The following STX8 variants were observed in gnomAD, a reference collection of about 807,000 sequenced individuals.
STX8 encodes syntaxin 8, also known as syntaxin-8.
Under a neutral mutation model 37.5 loss-of-function variants are expected in STX8, and 23 were observed. The ratio of observed to expected loss-of-function variants is 0.61; its 90% confidence interval spans 0.44 to 0.87. STX8 has a LOEUF of 0.87. Ranked by LOEUF, STX8 falls within the 40% of genes least tolerant of loss-of-function variation. The pLI is 0.00. For synonymous variants in STX8, 115 were observed against 99.1 expected (o/e 1.16, Z -0.95); for missense variants, 313 against 284.7 (o/e 1.10, Z -0.71).
intron 7 of STX8, among the ~76,000 whole-genome samples, chr17:9,263,322 A>G (rs1198416313): frequency 6.6e-6 from 1 of 152,136 alleles, no homozygotes; most frequent in Non-Finnish European, 1.5e-5. Flanking sequence ...TACTAAAAAT[A>G]CAAAAAAATT....
chr17:9,354,385 G>A (rs1321278293), intron 7 of STX8, among the ~76,000 whole-genome samples: 4 of 142,324 alleles, frequency 2.8e-5, no homozygotes, highest in Non-Finnish European at 6.1e-5. Context: ...GCGGTGGTGA[G>A]ATCTCGGCTC....
intron 1 of STX8, among the ~76,000 whole-genome samples, chr17:9,575,383 G>A (rs1244359407): frequency 6.6e-6 from 1 of 152,188 alleles, no homozygotes; most frequent in Non-Finnish European, 1.5e-5. Context: ...TTCTCCACCT[G>A]TGAAATAAGG....
chr17:9,296,724 G>A (rs1908564498), intron 7 of STX8, among the ~76,000 whole-genome samples: 1 of 151,628 alleles, frequency 6.6e-6, no homozygotes, highest in Middle Eastern at 3.4e-3. Context: ...TGAATATAAA[G>A]CAGTTATTTG....
intron 6 of STX8, among the ~76,000 whole-genome samples, chr17:9,448,329 G>C (rs748694523): frequency 6.6e-6 from 1 of 152,088 alleles, no homozygotes; most frequent in African/African-American, 2.4e-5. Flanking sequence ...AGTCTGAGTC[G>C]CCCAACCCGC....
At chr17:9,251,001 G>A (rs79698031) in intron 7 of STX8, among the ~76,000 whole-genome samples, 2,495 of 152,238 alleles carry the variant, frequency 0.016, 61 homozygotes, top group African/African-American at 0.056. Context: ...ATTATGCATT[G>A]ATGACGCATT....
chr17:9,560,944 T>C (rs1907209957), intron 2 of STX8, among the ~76,000 whole-genome samples: 1 of 152,000 alleles, frequency 6.6e-6, no homozygotes, highest in South Asian at 2.1e-4. Flanking sequence ...CCAGAAACAA[T>C]GTAGCTGTAT....
chr17:9,416,726 T>A (rs533781265), intron 6 of STX8, among the ~76,000 whole-genome samples: 1 of 152,216 alleles, frequency 6.6e-6, no homozygotes, highest in Non-Finnish European at 1.5e-5. Context: ...CCCTCCTTGC[T>A]CAGGGACTGA....
chr17:9,470,529 C>T (rs1181811308), intron 6 of STX8, among the ~76,000 whole-genome samples: 2 of 152,202 alleles, frequency 1.3e-5, no homozygotes, highest in East Asian at 1.9e-4. Flanking sequence ...CTGTGAAGAG[C>T]TACAATTTGT....
intron 5 of STX8, among the ~76,000 whole-genome samples, chr17:9,495,857 TCAAAA>T (rs574223349): frequency 5.6e-4 from 86 of 152,238 alleles, no homozygotes; most frequent in Middle Eastern, 3.4e-3. Flanking sequence ...GAGACAATGA[TCAAAA>T]CACAATGCTG....
chr17:9,389,874 A>G (rs531077180), intron 6 of STX8, among the ~76,000 whole-genome samples: 35 of 152,292 alleles, frequency 2.3e-4, no homozygotes, highest in African/African-American at 7.5e-4. Flanking sequence ...GAAACCAAAA[A>G]TGGGGGGTGG....
intron 6 of STX8, among the ~76,000 whole-genome samples, chr17:9,398,222 A>G (rs564298688): frequency 5.3e-5 from 8 of 152,338 alleles, no homozygotes; most frequent in Admixed American, 3.3e-4. Context: ...CACCTTAGCC[A>G]GGTGATCGAG....
chr17:9,483,302 G>C (rs1029225474), intron 6 of STX8, among the ~76,000 whole-genome samples: 1 of 152,046 alleles, frequency 6.6e-6, no homozygotes, highest in African/African-American at 2.4e-5. Flanking sequence ...CAGCAGCGTA[G>C]CATCCTGCTT....
intron 6 of STX8, among the ~76,000 whole-genome samples, chr17:9,435,495 C>T (rs1021046296): frequency 6.6e-6 from 1 of 152,142 alleles, no homozygotes; most frequent in African/African-American, 2.4e-5. Flanking sequence ...TGACTTTCAT[C>T]GTTACTTATC....
At chr17:9,336,201 G>T (rs971345780) in intron 7 of STX8, among the ~76,000 whole-genome samples, 10 of 152,122 alleles carry the variant, frequency 6.6e-5, no homozygotes, top group South Asian at 2.1e-4. Flanking sequence ...TTGTAGAAAA[G>T]CAAGTGCTGA....
Position 9,346,722 on chromosome 17 carries a change from C to A in STX8, c.643+31830G>T, listed in dbSNP as rs181111805. On this transcript the variant is annotated intron_variant, in intron 7 of 7. Coordinates refer to ENST00000306357, the MANE Select transcript of STX8 (RefSeq NM_004853.3). Reference sequence around the variant, plus strand: ...CTCCCTAGAGCTTCTAACTTGCTGACTGGCCACAGTGACACCATAGGGGTG... The same window carrying A: ...CTCCCTAGAGCTTCTAACTTGCTGAATGGCCACAGTGACACCATAGGGGTG... Among the ~76,000 whole-genome samples, 7 of 152,344 alleles carry A rather than the reference C, an allele frequency of 4.6e-5. No individual in the cohort carries two copies. In the South Asian group the frequency reaches 1.4e-3, roughly 32 times the overall value.
At chr17:9,423,315 C>T (rs1010067511) in intron 6 of STX8, among the ~76,000 whole-genome samples, 7 of 152,130 alleles carry the variant, frequency 4.6e-5, no homozygotes, top group South Asian at 2.1e-4. Flanking sequence ...ATCTAATAAA[C>T]GTTATTTTTT....
intron 7 of STX8, among the ~76,000 whole-genome samples, chr17:9,315,057 G>A (rs1308949385): frequency 6.1e-5 from 9 of 148,154 alleles, no homozygotes; most frequent in East Asian, 2.0e-4. Context: ...AGCCGAGATC[G>A]TGCCACTGCA....
chr17:9,260,712 C>T (rs1906986378), intron 7 of STX8, among the ~76,000 whole-genome samples: 1 of 152,142 alleles, frequency 6.6e-6, no homozygotes, highest in African/African-American at 2.4e-5. Context: ...CCCCCATGTG[C>T]CTGGGTGGGT....
At chr17:9,291,224 C>G (rs1030583454) in intron 7 of STX8, among the ~76,000 whole-genome samples, 6 of 152,066 alleles carry the variant, frequency 3.9e-5, no homozygotes, top group African/African-American at 1.4e-4. Context: ...GCCGAAAAGT[C>G]ACCCGAGCCG....
Sources: gnomAD v4.1 joint callset for allele counts (sites outside exome capture counted in the v4.1 genomes callset) on GRCh38, gnomAD v4.1.1 for gene constraint, MANE v1.5 for transcripts, NCBI Gene and HGNC (gene_info 2026-07-23, HGNC 2026-07-21) for gene names.